The following DMD variants were observed in gnomAD, a reference collection of about 807,000 sequenced individuals.
DMD encodes the protein mutant dystrophin.
A neutral mutation model predicts 330.1 loss-of-function variants in DMD; 63 were observed. The ratio of observed to expected loss-of-function variants is 0.19; its 90% confidence interval spans 0.16 to 0.24. The LOEUF (loss-of-function observed/expected upper bound fraction) is 0.24. Among genes scored for constraint, DMD ranks in the 10% least tolerant of loss-of-function variants. The pLI, the probability that DMD is intolerant of heterozygous loss-of-function variation, is 1.00. For synonymous variants in DMD, 1,223 were observed against 959.8 expected, an observed-to-expected ratio of 1.27 and a Z score of -5.07; for missense variants, 3,344 against 2,684.1, an observed-to-expected ratio of 1.25 and a Z score of -5.43.
At chrX:31,145,456 C>T (rs1432977602) in intron 76 of DMD, among the ~76,000 whole-genome samples, 1 of 111,476 alleles carries the variant, frequency 9.0e-6, no homozygotes, top group Non-Finnish European at 1.9e-5. Context: ...CTATGAAACT[C>T]ATTCTCAAAT....
chrX:33,089,877 T>G (rs1241151851), intron 1 of DMD, among the ~76,000 whole-genome samples: 1 of 111,256 alleles, frequency 9.0e-6, no homozygotes, highest in African/African-American at 3.3e-5. Context: ...AAGTTTAAAT[T>G]TGCAGTAACT....
intron 48 of DMD, among the ~76,000 whole-genome samples, chrX:31,842,730 G>A (rs1449707244): frequency 9.0e-6 from 1 of 111,647 alleles, no homozygotes; most frequent in Non-Finnish European, 1.9e-5. Context: ...TTCAACTATT[G>A]TTTTAGATTT....
chrX:32,827,121 G>GT (rs1317936521), intron 4 of DMD, among the ~76,000 whole-genome samples: 21 of 99,205 alleles, frequency 2.1e-4, no homozygotes, highest in African/African-American at 7.5e-4. Context: ...AATGTTCATG[G>GT]TTTTTTTCCA....
intron 45 of DMD, among the ~76,000 whole-genome samples, chrX:31,950,483 A>G (rs2095146253): frequency 9.0e-6 from 1 of 111,052 alleles, no homozygotes; most frequent in African/African-American, 3.3e-5. Flanking sequence ...GGCGTCTCCT[A>G]TAAATGTTAG....
chrX:32,508,336 A>C (rs1358552603), intron 18 of DMD, among the ~76,000 whole-genome samples: 3 of 112,077 alleles, frequency 2.7e-5, no homozygotes, highest in Non-Finnish European at 5.6e-5. Context: ...TATGCATACA[A>C]GTATGCCTTG....
intron 47 of DMD, among the ~76,000 whole-genome samples, chrX:31,897,992 C>G (rs1171056690): frequency 1.8e-5 from 2 of 110,808 alleles, no homozygotes; most frequent in Admixed American, 1.9e-4. Flanking sequence ...ACATGAAGTC[C>G]TTGCCCATGC....
At chrX:32,305,453 T>A (rs2097536973) in intron 42 of DMD, among the ~76,000 whole-genome samples, 1 of 111,358 alleles carries the variant, frequency 9.0e-6, no homozygotes, top group Non-Finnish European at 1.9e-5. Flanking sequence ...CGGCCGAGAA[T>A]GGGTTTTCAT....
intron 62 of DMD, among the ~76,000 whole-genome samples, chrX:31,311,878 G>A (rs2055549511): frequency 9.0e-6 from 1 of 111,324 alleles, no homozygotes; most frequent in African/African-American, 3.3e-5. Flanking sequence ...TTCAGTAAAC[G>A]GTGCTGGGAA....
At chrX:33,125,141 G>T (rs142864971) in intron 1 of DMD, among the ~76,000 whole-genome samples, 1,913 of 109,148 alleles carry the variant, frequency 0.018, 51 homozygotes, top group African/African-American at 0.06. Context: ...AAAACAAAAG[G>T]GAAAAACTGG....
chrX:32,977,711 T>A (rs1465310951), intron 2 of DMD, among the ~76,000 whole-genome samples: 2 of 109,245 alleles, frequency 1.8e-5, no homozygotes, highest in Admixed American at 9.9e-5. Flanking sequence ...TATGTATGTG[T>A]GATATATATA....
At chrX:32,648,352 G>C (rs2059913035) in intron 9 of DMD, among the ~76,000 whole-genome samples, 1 of 111,873 alleles carries the variant, frequency 8.9e-6, no homozygotes. Flanking sequence ...TTTAAGATCT[G>C]AGTAATTATT....
chrX:32,023,006 TATTTTTAGTA>T (rs2095818581), intron 44 of DMD, among the ~76,000 whole-genome samples: 3 of 109,635 alleles, frequency 2.7e-5, no homozygotes, highest in Non-Finnish European at 5.7e-5. Context: ...CTAATTTTAC[TATTTTTAGTA>T]AAGACGGGGT....
chrX:31,152,187 T>C (rs898744838), intron 74 of DMD, among the ~76,000 whole-genome samples: 1 of 108,687 alleles, frequency 9.2e-6, no homozygotes, highest in African/African-American at 3.4e-5. Flanking sequence ...TAAGCATCTT[T>C]TTTTTTTTTT....
At chrX:32,768,817 C>T (rs1438043371) in intron 7 of DMD, among the ~76,000 whole-genome samples, 2 of 111,863 alleles carry the variant, frequency 1.8e-5, no homozygotes, top group Non-Finnish European at 3.8e-5. Context: ...TGTCAAACAA[C>T]CATGTCCTTT....
At chrX:31,407,087 T>C (rs1204586284) in intron 60 of DMD, among the ~76,000 whole-genome samples, 1 of 112,683 alleles carries the variant, frequency 8.9e-6, no homozygotes, top group Non-Finnish European at 1.9e-5. Flanking sequence ...CTTTTGAATA[T>C]CATAGGCATC....
At chrX:32,874,716 A>C (rs760694875) in intron 2 of DMD, among the ~76,000 whole-genome samples, 2 of 111,930 alleles carry the variant, frequency 1.8e-5, no homozygotes, top group African/African-American at 6.5e-5. Flanking sequence ...TAGGTCTTCC[A>C]AGATTAGATC....
chrX:31,688,868 C>A (rs1876571399), intron 52 of DMD, among the ~76,000 whole-genome samples: 2 of 111,819 alleles, frequency 1.8e-5, no homozygotes, highest in South Asian at 7.5e-4. Flanking sequence ...ACGACAAAAA[C>A]CACATGGTTA....
upstream of DMD, among the ~76,000 whole-genome samples, chrX:33,211,713 T>C (rs1450287385): frequency 8.9e-6 from 1 of 112,302 alleles, no homozygotes; most frequent in Non-Finnish European, 1.9e-5. Flanking sequence ...ATTCAAACAA[T>C]GCTCAACTGT....
Position 32,697,913 on chromosome X carries a change from T to G in DMD, c.917A>C (p.Tyr306Ser), listed in dbSNP as rs2147581077. Residue 306 changes from tyrosine (Y) to serine (S), a missense_variant, in exon 9 of 79, where the codon TAT becomes TCT. Tyr to Ser is a moderately radical substitution (Grantham distance 144, BLOSUM62 -2). Transcript: ENST00000357033. ...CCGTGTAGGGTCAGAGGTGGTGACA[T>G]AAGCAGCCTGTGTGTAGGCATAGCT... ...FKSYAYTQAA[Y>S]VTTSDPTRSP... The G allele has an allele frequency of 1.7e-6, 2 of 1,209,485 alleles. No individual in the cohort carries two copies. The highest frequency in any genetic ancestry group is 3.5e-5 in the South Asian group (2 of 56,677).
Sources: allele counts gnomAD v4.1 joint callset (sites outside exome capture counted in the v4.1 genomes callset), GRCh38; gene constraint gnomAD v4.1.1; transcripts MANE v1.5; gene names NCBI Gene and HGNC (gene_info 2026-07-23, HGNC 2026-07-21).